Variants in EXTL3 observed in about 807,000 individuals in gnomAD.
EXTL3 encodes exostosin-like 3.
EXTL3 carries 27 observed loss-of-function variants against 69.3 expected under a neutral mutation model. The observed-to-expected ratio is 0.39, with a 90% CI of 0.29 to 0.54. EXTL3 has a LOEUF of 0.54. Among genes scored for constraint, EXTL3 ranks in the 20% least tolerant of loss-of-function variants. EXTL3 has a pLI of 0.69. For missense variants in EXTL3, 1,003 were observed against 1,231.8 expected, an observed-to-expected ratio of 0.81 and a Z score of 2.78; for synonymous variants, 511 against 499.4, an observed-to-expected ratio of 1.02 and a Z score of -0.31.
chr8:28,726,982 G>A (rs1214938040), intron 3 of EXTL3, among the ~76,000 whole-genome samples: 1 of 148,646 alleles, frequency 6.7e-6, no homozygotes, highest in Non-Finnish European at 1.5e-5. Context: ...GGGTTCAAGC[G>A]ATTCTCCTGC....
At position 28,627,111 on chromosome 8, in the gene EXTL3, G is replaced by A. The variant is rs562409679; in HGVS notation, c.-53+4301G>A. 2.0e-5 allele frequency among the ~76,000 whole-genome samples: 3 copies of A among 151,924 alleles called. No homozygotes were observed. The South Asian group carries it at 6.2e-4, about 32-fold the overall frequency. ...GCAGGAGAATGGCGTGAACCCAGGA[G>A]GTGGATCTTGCAGTGAGCCAGAGCC... On this transcript the variant is annotated intron_variant, in intron 1 of 6. Transcript: ENST00000523149.
chr8:28,746,150 T>G (rs1227605803), intron 6 of EXTL3, among the ~76,000 whole-genome samples: 1 of 152,234 alleles, frequency 6.6e-6, no homozygotes, highest in Non-Finnish European at 1.5e-5. Flanking sequence ...AAATTTTTAC[T>G]GTCAAACTAT....
At chr8:28,644,615 C>T (rs573329845) in intron 1 of EXTL3, among the ~76,000 whole-genome samples, 1 of 152,190 alleles carries the variant, frequency 6.6e-6, no homozygotes, top group Admixed American at 6.6e-5. Context: ...GGGAGGATTG[C>T]TTAAGCCCAG....
At chr8:28,696,571 T>C (rs1221039835), upstream of EXTL3, 1 of 152,166 alleles carries the variant, frequency 6.6e-6, no homozygotes, top group Non-Finnish European at 1.5e-5. Flanking sequence ...TACACTTTTT[T>C]TTTTTCGAGA....
chr8:28,631,855 C>T (rs71519701), intron 1 of EXTL3, among the ~76,000 whole-genome samples: 32,682 of 148,036 alleles, frequency 0.22, 4,075 homozygotes, highest in Non-Finnish European at 0.28. Context: ...TTTGGGAGGC[C>T]GAGTTGGGTG....
At chr8:28,644,572 G>A (rs933754329) in intron 1 of EXTL3, among the ~76,000 whole-genome samples, 4 of 152,068 alleles carry the variant, frequency 2.6e-5, no homozygotes, top group Non-Finnish European at 5.9e-5. Flanking sequence ...AGTGGTTCAC[G>A]CCTATAATCT....
At chr8:28,739,048 C>T (rs554477618) in intron 5 of EXTL3, among the ~76,000 whole-genome samples, 1 of 152,224 alleles carries the variant, frequency 6.6e-6, no homozygotes, top group South Asian at 2.1e-4. Flanking sequence ...CGTTCTGTCT[C>T]ACACACAAGG....
At chr8:28,722,873 A>G (rs1479806188) in intron 3 of EXTL3, among the ~76,000 whole-genome samples, 1 of 150,400 alleles carries the variant, frequency 6.6e-6, no homozygotes, top group Non-Finnish European at 1.5e-5. Context: ...GAACAGGGAG[A>G]GTTCTTTTTT....
intron 1 of EXTL3, among the ~76,000 whole-genome samples, chr8:28,648,719 C>T (rs1057093382): frequency 1.3e-5 from 2 of 151,966 alleles, no homozygotes; most frequent in African/African-American, 2.4e-5. Context: ...TATGCATGCA[C>T]AGATCATAAG....
chr8:28,635,373 C>T (rs1585223646), intron 1 of EXTL3, among the ~76,000 whole-genome samples: 1 of 115,552 alleles, frequency 8.7e-6, no homozygotes, highest in Non-Finnish European at 1.7e-5. Flanking sequence ...GCCTGGGCAA[C>T]ATAGCAAGAC....
chr8:28,633,160 A>C (rs1000927105), intron 1 of EXTL3, among the ~76,000 whole-genome samples: 8 of 151,556 alleles, frequency 5.3e-5, no homozygotes, highest in African/African-American at 1.9e-4. Context: ...GTAACATAGC[A>C]AGACCCCATC....
Position 28,636,343 on chromosome 8 carries a change from A to C in EXTL3, c.-53+13533A>C, listed in dbSNP as rs186159962. On this transcript the variant is annotated intron_variant, in intron 1 of 6. Coordinates refer to the EXTL3 transcript ENST00000523149. ...CAAGACTCCATCTCAAAAAAAAAAA[A>C]AAACAAATGTCTAACTCGCCAGGAG... Among the ~76,000 whole-genome samples, 373 of 151,862 alleles carry C rather than the reference A, an allele frequency of 2.5e-3. 3 individuals are homozygous for C. The highest frequency in any genetic ancestry group is 0.012 in the East Asian group (63 of 5,164).
intron 2 of EXTL3, among the ~76,000 whole-genome samples, chr8:28,713,830 G>C (rs1801080409): frequency 6.6e-6 from 1 of 151,422 alleles, no homozygotes; most frequent in South Asian, 2.1e-4. Flanking sequence ...AATGGACAAA[G>C]TGACTCACAC....
At chr8:28,671,653 T>C (rs1327153338) in intron 1 of EXTL3, among the ~76,000 whole-genome samples, 2 of 152,142 alleles carry the variant, frequency 1.3e-5, no homozygotes, top group African/African-American at 4.8e-5. Context: ...GCTCCTATTT[T>C]AATTGTACCT....
chr8:28,741,341 GTGT>G (rs1563223976), intron 5 of EXTL3: 1 of 152,102 alleles, frequency 6.6e-6, no homozygotes, highest in East Asian at 1.9e-4. Context: ...CTTTCAAGAC[GTGT>G]TATGTTAATA....
intron 3 of EXTL3, among the ~76,000 whole-genome samples, chr8:28,722,780 A>G (rs1801324333): frequency 1.3e-5 from 2 of 151,370 alleles, no homozygotes; most frequent in African/African-American, 4.9e-5. Context: ...TCTCTAAAAA[A>G]AAAAAAAAAA....
intron 4 of EXTL3, among the ~76,000 whole-genome samples, chr8:28,733,962 C>T (rs375829525): frequency 3.9e-5 from 6 of 151,916 alleles, no homozygotes; most frequent in South Asian, 2.1e-4. Context: ...GGACTACAGG[C>T]GCCTGCCACC....
chr8:28,748,349 A>C (rs1260897841), intron 6 of EXTL3, among the ~76,000 whole-genome samples: 6 of 150,662 alleles, frequency 4.0e-5, no homozygotes, highest in Non-Finnish European at 5.9e-5. Context: ...CCAGCCTGGG[A>C]GACAGAGTGA....
At chr8:28,616,002 T>C (rs1307968980) in intron 2 of EXTL3, among the ~76,000 whole-genome samples, 5 of 150,418 alleles carry the variant, frequency 3.3e-5, no homozygotes, top group Admixed American at 3.3e-4. Context: ...TGGGAGGCTG[T>C]GGCAGGCGGG....
Sources: allele counts gnomAD v4.1 joint callset (sites outside exome capture counted in the v4.1 genomes callset), GRCh38; gene constraint gnomAD v4.1.1; transcripts MANE v1.5; gene names NCBI Gene and HGNC (gene_info 2026-07-23, HGNC 2026-07-21).